Variants in CCDC30 observed in about 807,000 individuals in gnomAD.
The protein encoded by CCDC30 is coiled-coil domain-containing protein 30.
Under a neutral mutation model 100.2 loss-of-function variants are expected in CCDC30, and 70 were observed. The observed-to-expected ratio is 0.70, with a 90% CI of 0.58 to 0.85. The LOEUF (loss-of-function observed/expected upper bound fraction) is 0.85, where lower values mean the gene tolerates loss of function less well. Among genes scored for constraint, CCDC30 ranks in the 40% least tolerant of loss-of-function variants. The probability of loss-of-function intolerance (pLI) is 0.00; values close to 1 mark genes in which losing one functional copy is unlikely to be tolerated. For synonymous variants in CCDC30, 233 were observed against 269.5 expected (o/e 0.86, Z 1.33); for missense variants, 652 against 771.2 (o/e 0.85, Z 1.83).
chr1:42,496,094 T>C (rs1244173751), intron 4 of CCDC30, among the ~76,000 whole-genome samples: 3 of 150,748 alleles, frequency 2.0e-5, no homozygotes, highest in African/African-American at 7.3e-5. Context: ...ATGTGTGGTA[T>C]AATGTCATTT....
rs527427560 is a variant in CCDC30, at chr1:42,621,312, C to CTCTTT, written c.1277+10234_1277+10238dup. Among the ~76,000 whole-genome samples, 369 of 151,566 alleles carry CTCTTT rather than the reference C, an allele frequency of 2.4e-3. 2 individuals carry two copies. Among genetic ancestry groups the CTCTTT allele is most frequent in the African/African-American group, 8.6e-3 (357 of 41,354 alleles). On this transcript the variant is annotated intron_variant, in intron 11 of 16. Coordinates refer to ENST00000668663, the Ensembl canonical transcript of CCDC30. Reference sequence around the variant, plus strand: ...ATATGATTATACTTTTTTGGTTTTTCTCTTTTCTTTTCTTTTTTCTTTTTC... The same window carrying CTCTTT: ...ATATGATTATACTTTTTTGGTTTTTCTCTTTTCTTTTCTTTTCTTTTTTCTTTTTC...
At chr1:42,461,653 TCTC>T (rs557825483), upstream of CCDC30, among the ~76,000 whole-genome samples, 1 of 151,886 alleles carries the variant, frequency 6.6e-6, no homozygotes, top group Non-Finnish European at 1.5e-5. Flanking sequence ...TTCACACCAT[TCTC>T]CTTCCTCAGC....
At chr1:42,476,658 C>T (rs1209800002) in intron 1 of CCDC30, among the ~76,000 whole-genome samples, 1 of 150,624 alleles carries the variant, frequency 6.6e-6, no homozygotes, top group African/African-American at 2.4e-5. Flanking sequence ...CCGTTGCACT[C>T]CAGCCTGGGC....
chr1:42,611,102 C>T lies in CCDC30; in HGVS notation c.1277+12C>T. On this transcript the variant is annotated intron_variant, in intron 11 of 16. Coordinates refer to ENST00000668663, the Ensembl canonical transcript of CCDC30. ...AATGTCCATGTGAGGTAAACAAAGA[C>T]AAGTTCTCTTTGGAAGAAAACTATG... 4 of 1,478,630 alleles carry T rather than the reference C, an allele frequency of 2.7e-6. No homozygotes were observed. Among genetic ancestry groups the T allele is most frequent in the Non-Finnish European group, 3.8e-6 (4 of 1,057,196 alleles). 91.6% of individuals were successfully genotyped at this position (1,478,630 alleles called of 1,614,324 possible).
At chr1:42,510,155 A>G (rs536294533) in intron 6 of CCDC30, 3 of 965,004 alleles carry the variant, frequency 3.1e-6, no homozygotes, top group African/African-American at 1.8e-5. Context: ...AGGGTTGTCA[A>G]TAAGTACTGC....
exon 8 of CCDC30, chr1:42,577,225 A>T: frequency 6.2e-7 from 1 of 1,604,230 alleles, no homozygotes; most frequent in Non-Finnish European, 8.5e-7. Context: ...GATGCAGAGG[A>T]AAAGGTAATT....
At chr1:42,464,063 A>G (rs1643490587) in intron 1 of CCDC30, 165 bp downstream of exon 1, 1 of 152,124 alleles carries the variant, frequency 6.6e-6, no homozygotes, top group African/African-American at 2.4e-5. Flanking sequence ...TCATCTATAG[A>G]CCACCTCCTT....
At chr1:42,634,752 TG>T (rs1396037612) in intron 11 of CCDC30, among the ~76,000 whole-genome samples, 1 of 152,216 alleles carries the variant, frequency 6.6e-6, no homozygotes, top group Non-Finnish European at 1.5e-5. Context: ...TATAGTTCAA[TG>T]GCTTTTGTCC....
At chr1:42,496,984 G>A in intron 4 of CCDC30, 114 bp from the exon 5 acceptor site, 1 of 436,548 alleles carries the variant, frequency 2.3e-6, no homozygotes, top group Non-Finnish European at 3.8e-6. Context: ...GCAGAGACAT[G>A]GTAGGACTGA....
At chr1:42,509,283 T>C (rs940450678) in intron 6 of CCDC30, among the ~76,000 whole-genome samples, 2 of 152,160 alleles carry the variant, frequency 1.3e-5, no homozygotes, top group African/African-American at 4.8e-5. Context: ...TAACCATCCC[T>C]CTTTCCTGGG....
intron 6 of CCDC30, among the ~76,000 whole-genome samples, chr1:42,566,049 C>A (rs1645599283): frequency 6.6e-6 from 1 of 152,084 alleles, no homozygotes. Flanking sequence ...GGTAAGTTGT[C>A]TGTGCCTAAC....
At chr1:42,631,905 AAAAATGCTGTTT>A (rs372029861) in intron 11 of CCDC30, among the ~76,000 whole-genome samples, 5 of 152,220 alleles carry the variant, frequency 3.3e-5, no homozygotes, top group African/African-American at 1.2e-4. Flanking sequence ...GGGCATGTCC[AAAAATGCTGTTT>A]AAGAGCCAAG....
Position 42,572,073 on chromosome 1 carries a change from G to A in CCDC30, c.637-4947G>A, listed in dbSNP as rs143890892. On this transcript the variant is annotated intron_variant, in intron 7 of 16. Transcript: ENST00000668663. Reference sequence around the variant, plus strand: ...ATTCCTCTAGGAAGAGATTGGGAGTGGAATTATTTTATCATAGAATATGTA... The same window carrying A: ...ATTCCTCTAGGAAGAGATTGGGAGTAGAATTATTTTATCATAGAATATGTA... Among the ~76,000 whole-genome samples, 524 of 152,226 alleles carry A rather than the reference G, an allele frequency of 3.4e-3. 2 individuals carry two copies. Among genetic ancestry groups the A allele is most frequent in the Non-Finnish European group, 3.6e-3 (244 of 68,012 alleles).
intron 9 of CCDC30, among the ~76,000 whole-genome samples, chr1:42,586,627 T>G (rs1255532614): frequency 6.6e-6 from 1 of 152,148 alleles, no homozygotes; most frequent in Non-Finnish European, 1.5e-5. Context: ...GCCCAGCTCT[T>G]GTGAGCCACA....
chr1:42,583,500 C>T (rs1646008789), intron 9 of CCDC30, among the ~76,000 whole-genome samples: 1 of 152,152 alleles, frequency 6.6e-6, no homozygotes, highest in African/African-American at 2.4e-5. Context: ...TACTTTTTCA[C>T]TTAAAATATT....
chr1:42,519,737 T>C (rs1557821661), intron 6 of CCDC30, among the ~76,000 whole-genome samples: 1 of 151,596 alleles, frequency 6.6e-6, no homozygotes, highest in Non-Finnish European at 1.5e-5. Context: ...GTATTTTTAG[T>C]AGAGACAGGG....
chr1:42,533,174 A>G (rs1644834164), intron 6 of CCDC30, among the ~76,000 whole-genome samples: 1 of 152,136 alleles, frequency 6.6e-6, no homozygotes. Flanking sequence ...TTTTTTAGAT[A>G]AGGTGGGCAC....
At chr1:42,542,378 T>C (rs1159849007) in intron 6 of CCDC30, among the ~76,000 whole-genome samples, 1 of 152,026 alleles carries the variant, frequency 6.6e-6, no homozygotes, top group Non-Finnish European at 1.5e-5. Context: ...TTTATCCTTT[T>C]TTTTTCTGAG....
intron 6 of CCDC30, among the ~76,000 whole-genome samples, chr1:42,557,919 A>T (rs745929002): frequency 1.1e-4 from 17 of 151,898 alleles, no homozygotes; most frequent in Non-Finnish European, 1.9e-4. Context: ...GGCTTAATAG[A>T]TCTGTTGACT....
Sources: gnomAD v4.1 joint callset for allele counts (sites outside exome capture counted in the v4.1 genomes callset) on GRCh38, gnomAD v4.1.1 for gene constraint, MANE v1.5 for transcripts, NCBI Gene and HGNC (gene_info 2026-07-23, HGNC 2026-07-21) for gene names.